Variants in NMNAT2 observed in about 807,000 individuals in gnomAD.
NMNAT2 encodes nicotinamide/nicotinic acid mononucleotide adenylyltransferase 2.
In NMNAT2, 11 loss-of-function variants were observed where a neutral mutation model predicts 41.6. That is an observed-to-expected ratio of 0.26 (90% CI 0.17 to 0.44). NMNAT2 has a LOEUF of 0.44. Ranked by LOEUF, NMNAT2 falls within the 20% of genes least tolerant of loss-of-function variation. The pLI is 1.00. For missense variants in NMNAT2, 288 were observed against 407.7 expected, an observed-to-expected ratio of 0.71 and a Z score of 2.53; for synonymous variants, 148 against 151.2, an observed-to-expected ratio of 0.98 and a Z score of 0.16.
chr1:183,378,321 G>A (rs1264937342), intron 1 of NMNAT2, among the ~76,000 whole-genome samples: 1 of 151,960 alleles, frequency 6.6e-6, no homozygotes, highest in African/African-American at 2.4e-5. Context: ...TTAAACCTAG[G>A]AGACAGAGGT....
chr1:183,284,110 A>G (rs1661340458), intron 6 of NMNAT2, 71 bp from the exon 7 acceptor site: 1 of 1,078,852 alleles, frequency 9.3e-7, no homozygotes, highest in Non-Finnish European at 1.3e-6. Context: ...AGTCTGCCTG[A>G]GGGCCTCAGC....
chr1:183,417,135 C>A (rs191413105), intron 1 of NMNAT2, among the ~76,000 whole-genome samples: 43 of 152,302 alleles, frequency 2.8e-4, no homozygotes, highest in Middle Eastern at 3.4e-3. Context: ...ACGCTCATGC[C>A]CCACGCCTTT....
chr1:183,354,081 A>G (rs1663126202), intron 1 of NMNAT2, among the ~76,000 whole-genome samples: 1 of 152,186 alleles, frequency 6.6e-6, no homozygotes, highest in Admixed American at 6.5e-5. Flanking sequence ...GTGTGTCTGG[A>G]CAATCCTTTT....
At chr1:183,409,890 A>AG (rs1464695776) in intron 1 of NMNAT2, among the ~76,000 whole-genome samples, 2 of 151,882 alleles carry the variant, frequency 1.3e-5, no homozygotes, top group Non-Finnish European at 2.9e-5. Context: ...ACAACCTATC[A>AG]GGGGGGTGAA....
chr1:183,408,517 A>G (rs947515044), intron 1 of NMNAT2, among the ~76,000 whole-genome samples: 1 of 152,136 alleles, frequency 6.6e-6, no homozygotes, highest in Admixed American at 6.5e-5. Flanking sequence ...TAGTTTGCCG[A>G]CCTCTGAGTT....
chr1:183,371,145 G>C (rs1264444226), intron 1 of NMNAT2, among the ~76,000 whole-genome samples: 1 of 152,190 alleles, frequency 6.6e-6, no homozygotes, highest in Non-Finnish European at 1.5e-5. Context: ...CCAGCCACCT[G>C]GGGCATTAGA....
At chr1:183,358,575 G>T (rs1004148749) in intron 1 of NMNAT2, among the ~76,000 whole-genome samples, 1 of 152,182 alleles carries the variant, frequency 6.6e-6, no homozygotes, top group Admixed American at 6.5e-5. Context: ...GCAACACCTT[G>T]ATCCAAATGT....
At chr1:183,408,724 TG>T (rs2101930745) in intron 1 of NMNAT2, among the ~76,000 whole-genome samples, 1 of 152,332 alleles carries the variant, frequency 6.6e-6, no homozygotes, top group Non-Finnish European at 1.5e-5. Flanking sequence ...CTATAAATTT[TG>T]ATTCCCTGGG....
intron 1 of NMNAT2, among the ~76,000 whole-genome samples, chr1:183,325,840 A>G (rs1055507904): frequency 6.6e-6 from 1 of 152,178 alleles, no homozygotes; most frequent in Non-Finnish European, 1.5e-5. Flanking sequence ...TAGGTGCTCA[A>G]AAAAGAAGTA....
chr1:183,261,447 A>G, intron 8 of NMNAT2, 144 bp from the exon 9 acceptor site: 2 of 700,230 alleles, frequency 2.9e-6, no homozygotes, highest in South Asian at 3.4e-5. Context: ...TCTCAGCCCC[A>G]TCAGCCAGCT....
intron 1 of NMNAT2, among the ~76,000 whole-genome samples, chr1:183,299,169 C>T (rs983688778): frequency 5.3e-5 from 8 of 151,946 alleles, no homozygotes; most frequent in Admixed American, 1.3e-4. Context: ...GTCAGGAGTT[C>T]GAGACCAGCC....
chr1:183,338,604 G>T (rs959952183), intron 1 of NMNAT2, among the ~76,000 whole-genome samples: 21 of 152,282 alleles, frequency 1.4e-4, no homozygotes, highest in African/African-American at 4.8e-4. Flanking sequence ...TTACATTAAT[G>T]CGTATTATTA....
In NMNAT2 at chr1:183,278,386, G is replaced by A. The variant is rs1470867521; in HGVS notation, c.651+167C>T. 2.6e-5 allele frequency among the ~76,000 whole-genome samples: 4 copies of A among 152,300 alleles called. No homozygotes were observed. In the East Asian group the frequency reaches 5.8e-4, roughly 22 times the overall value. On this transcript the variant is annotated intron_variant, in intron 8 of 10. Coordinates refer to ENST00000287713, the MANE Select transcript of NMNAT2 (RefSeq NM_015039.4). Reference sequence around the variant, plus strand: ...GAGGAGGAGTAAGTGTAAAAATGCAGTAGGAGATAAAGCTTGGGGGTAGGT... The same window carrying A: ...GAGGAGGAGTAAGTGTAAAAATGCAATAGGAGATAAAGCTTGGGGGTAGGT...
intron 1 of NMNAT2, among the ~76,000 whole-genome samples, chr1:183,387,243 T>C (rs894188691): frequency 4.6e-5 from 7 of 151,786 alleles, no homozygotes; most frequent in Non-Finnish European, 1.0e-4. Flanking sequence ...CCCTGTGTTT[T>C]TTTTTTTTGC....
At chr1:183,403,440 AC>A (rs35578924) in intron 1 of NMNAT2, among the ~76,000 whole-genome samples, 44,066 of 132,516 alleles carry the variant, frequency 0.33, 6,957 homozygotes, top group African/African-American at 0.43. Flanking sequence ...AAGAGGAACA[AC>A]CCCCCCCCCC....
intron 10 of NMNAT2, among the ~76,000 whole-genome samples, chr1:183,256,945 T>A (rs760887610): frequency 6.6e-6 from 1 of 151,558 alleles, no homozygotes; most frequent in Non-Finnish European, 1.5e-5. Flanking sequence ...AGAGATGGGG[T>A]TTAACCATAT....
chr1:183,382,059 A>G (rs1663812624), intron 1 of NMNAT2, among the ~76,000 whole-genome samples: 1 of 152,240 alleles, frequency 6.6e-6, no homozygotes, highest in South Asian at 2.1e-4. Context: ...TTTATAAAGA[A>G]AAGCAGTTTT....
intron 7 of NMNAT2, chr1:183,283,175 G>C (rs1038757651): frequency 6.6e-6 from 1 of 152,264 alleles, no homozygotes; most frequent in Non-Finnish European, 1.5e-5. Context: ...AAAAGTACCA[G>C]GAAGGGATGC....
intron 2 of NMNAT2, 66 bp downstream of exon 2, chr1:183,293,639 G>C: frequency 8.2e-7 from 1 of 1,215,594 alleles, no homozygotes; most frequent in Non-Finnish European, 1.2e-6. Context: ...TTTTCTGCCA[G>C]GAACTATCAG....
Sources: gnomAD v4.1 joint callset for allele counts (sites outside exome capture counted in the v4.1 genomes callset) on GRCh38, gnomAD v4.1.1 for gene constraint, MANE v1.5 for transcripts, NCBI Gene and HGNC (gene_info 2026-07-23, HGNC 2026-07-21) for gene names.